Variants in CPXM2 observed in about 807,000 individuals in gnomAD.
The protein encoded by CPXM2 is inactive carboxypeptidase-like protein X2.
In CPXM2, 66 loss-of-function variants were observed where a neutral mutation model predicts 86.1. That is an observed-to-expected ratio of 0.77 (90% CI 0.63 to 0.94). The LOEUF is 0.94. Ranked by LOEUF, CPXM2 falls within the 40% of genes least tolerant of loss-of-function variation. The pLI is 0.00. For missense variants in CPXM2, 948 were observed against 1,026.3 expected, an observed-to-expected ratio of 0.92 and a Z score of 1.04; for synonymous variants, 388 against 400.2, an observed-to-expected ratio of 0.97 and a Z score of 0.36.
intron 4 of CPXM2, among the ~76,000 whole-genome samples, chr10:123,830,879 TG>T (rs1848153642): frequency 9.2e-6 from 1 of 108,730 alleles, no homozygotes; most frequent in South Asian, 3.1e-4. Context: ...TCTCTGTGTG[TG>T]TGTGTGTGTG....
chr10:123,819,566 A>G (rs1037967884), intron 4 of CPXM2, among the ~76,000 whole-genome samples: 1 of 152,160 alleles, frequency 6.6e-6, no homozygotes, highest in African/African-American at 2.4e-5. Flanking sequence ...CCTTCATTTT[A>G]TTTCCTTTTT....
Position 123,746,726 on chromosome 10 carries a change from T to A in CPXM2, c.*38A>T. 6.2e-7 allele frequency: 1 copy of A among 1,604,612 alleles called. No individual in the cohort carries two copies. Among genetic ancestry groups the A allele is most frequent in the Non-Finnish European group, 8.5e-7 (1 of 1,175,134 alleles). On this transcript the variant is annotated 3_prime_UTR_variant, in exon 14 of 14. Coordinates refer to ENST00000241305, the MANE Select transcript of CPXM2 (RefSeq NM_198148.3). ...GAGCTACTACCAGGTTGGTTTAATT[T>A]GCATGGGTCCCAGACGAGTCTCAAG...
chr10:123,851,994 C>T (rs777189213), intron 3 of CPXM2, among the ~76,000 whole-genome samples: 6 of 152,100 alleles, frequency 3.9e-5, no homozygotes, highest in Non-Finnish European at 8.8e-5. Flanking sequence ...AGGGATGCCA[C>T]AGAATGCCTG....
chr10:123,833,460 G>C (rs1479645549), intron 4 of CPXM2, among the ~76,000 whole-genome samples: 2 of 152,198 alleles, frequency 1.3e-5, no homozygotes, highest in Non-Finnish European at 2.9e-5. Context: ...AGGCACTGGG[G>C]GTGCTGGAGG....
At chr10:123,887,984 A>G (rs879930222) in intron 1 of CPXM2, among the ~76,000 whole-genome samples, 9 of 152,198 alleles carry the variant, frequency 5.9e-5, no homozygotes, top group Non-Finnish European at 1.0e-4. Context: ...GGAAAATGCA[A>G]TACTCTCAGT....
chr10:123,924,718 C>T (rs1007474337), intron 2 of CPXM2, among the ~76,000 whole-genome samples: 1 of 152,124 alleles, frequency 6.6e-6, no homozygotes, highest in Admixed American at 6.5e-5. Context: ...GCTGAAAGTT[C>T]CAAGCCTCTA....
chr10:123,801,403 G>A (rs535885811), intron 4 of CPXM2, among the ~76,000 whole-genome samples: 32 of 152,184 alleles, frequency 2.1e-4, no homozygotes, highest in South Asian at 1.0e-3. Flanking sequence ...AAGTTACCTA[G>A]TCTCGGGTAT....
chr10:123,818,288 G>A (rs1036956352), intron 4 of CPXM2, among the ~76,000 whole-genome samples: 1 of 152,164 alleles, frequency 6.6e-6, no homozygotes, highest in Non-Finnish European at 1.5e-5. Context: ...AGGGATGGAG[G>A]TTACGCATGG....
rs1296657491 is a variant in CPXM2 at position 123,891,518 on chromosome 10, C to T, written c.142G>A (p.Ala48Thr). ...QEIWSREPYY[A>T]RPEPELETFS... ...GTCTCGAGCTCGGGCTCCGGGCGCG[C>T]GTAGTAGGGCTCCCGGCTCCAGATC... Residue 48 changes from alanine to threonine, a missense_variant, in exon 1 of 14, where the codon GCG (alanine) becomes ACG (threonine). Physicochemically the swap from Ala to Thr is moderately conservative, Grantham distance 58. Transcript: ENST00000241305. The surrounding 1 kb of genome is among the most constrained non-coding windows in gnomAD (Gnocchi z 5.6). The T allele has an allele frequency of 3.2e-6, 5 of 1,548,360 alleles. No individual in the cohort carries two copies. Among genetic ancestry groups the T allele is most frequent in the African/African-American group, 2.7e-5 (2 of 72,834 alleles).
intron 4 of CPXM2, among the ~76,000 whole-genome samples, chr10:123,824,408 C>A (rs1848001090): frequency 6.6e-6 from 1 of 152,176 alleles, no homozygotes. Context: ...ATCATAGGCT[C>A]AACCATTCCT....
chr10:123,917,491 G>C (rs962734722), intron 2 of CPXM2, among the ~76,000 whole-genome samples: 5 of 152,176 alleles, frequency 3.3e-5, no homozygotes, highest in Admixed American at 2.6e-4. Flanking sequence ...ATGGGCTTCA[G>C]AATTCATTTG....
chr10:123,902,087 T>A (rs1241562188), intron 2 of CPXM2, among the ~76,000 whole-genome samples: 2 of 152,176 alleles, frequency 1.3e-5, no homozygotes, highest in Non-Finnish European at 1.5e-5. Context: ...CAAACTATAG[T>A]GGATAAAATA....
chr10:123,852,866 T>C (rs918873696), intron 3 of CPXM2, among the ~76,000 whole-genome samples: 4 of 152,224 alleles, frequency 2.6e-5, no homozygotes, highest in African/African-American at 9.6e-5. Context: ...CACTGCCAGC[T>C]GTCCGCTGGT....
At chr10:123,897,929 C>T (rs7092173) in intron 2 of CPXM2, among the ~76,000 whole-genome samples, 109,106 of 152,124 alleles carry the variant, frequency 0.72, 39,793 homozygotes, top group African/African-American at 0.83. Flanking sequence ...TTCTATCCTC[C>T]CAGTCAAGGT....
At chr10:123,864,763 T>C (rs1044481894) in intron 2 of CPXM2, among the ~76,000 whole-genome samples, 29 of 152,290 alleles carry the variant, frequency 1.9e-4, no homozygotes, top group African/African-American at 5.1e-4. Flanking sequence ...ATTCAAAACA[T>C]TTCTTCCAGA....
At chr10:123,827,523 A>T (rs1385222930) in intron 4 of CPXM2, among the ~76,000 whole-genome samples, 1 of 152,192 alleles carries the variant, frequency 6.6e-6, no homozygotes, top group African/African-American at 2.4e-5. Flanking sequence ...AGAAAACGGG[A>T]CTCGCATGCT....
chr10:123,914,469 C>T (rs1195947166), intron 2 of CPXM2, among the ~76,000 whole-genome samples: 2 of 152,154 alleles, frequency 1.3e-5, no homozygotes, highest in African/African-American at 4.8e-5. Flanking sequence ...GTCCCGTGTT[C>T]CAGGTCTGTG....
intron 2 of CPXM2, among the ~76,000 whole-genome samples, chr10:123,917,001 A>T (rs1029571830): frequency 6.6e-5 from 10 of 152,046 alleles, no homozygotes; most frequent in African/African-American, 2.2e-4. Flanking sequence ...AGTGAGAATG[A>T]CAGATAGGGA....
chr10:123,758,428 C>T (rs555035788), intron 11 of CPXM2, among the ~76,000 whole-genome samples: 11 of 152,230 alleles, frequency 7.2e-5, no homozygotes, highest in South Asian at 2.1e-4. Context: ...TGTCTTCATA[C>T]GGGCTTCTCT....
Sources: allele counts gnomAD v4.1 joint callset (sites outside exome capture counted in the v4.1 genomes callset), GRCh38; gene constraint gnomAD v4.1.1; non-coding constraint Gnocchi (gnomAD v3.1); transcripts MANE v1.5; gene names NCBI Gene and HGNC (gene_info 2026-07-23, HGNC 2026-07-21).